Variants in TRIM37 observed in about 807,000 individuals in gnomAD.
TRIM37 encodes the protein tripartite motif containing 37.
In TRIM37, 80 loss-of-function variants were observed where a neutral mutation model predicts 129.8. The ratio of observed to expected loss-of-function variants is 0.62; its 90% confidence interval spans 0.51 to 0.74. The LOEUF (loss-of-function observed/expected upper bound fraction) is 0.74. TRIM37 is among the 30% of genes least tolerant of loss of function. The pLI, the probability that TRIM37 is intolerant of heterozygous loss-of-function variation, is 0.00. For synonymous variants in TRIM37, 389 were observed against 387.1 expected, an observed-to-expected ratio of 1.00 and a Z score of -0.06; for missense variants, 1,054 against 1,176.5, an observed-to-expected ratio of 0.90 and a Z score of 1.52.
intron 16 of TRIM37, among the ~76,000 whole-genome samples, chr17:59,044,568 A>G (rs879513818): frequency 6.6e-6 from 1 of 152,206 alleles, no homozygotes; most frequent in Non-Finnish European, 1.5e-5. Flanking sequence ...GTCTCAAAAA[A>G]AAATAAATAA....
chr17:58,978,879 T>C (rs2031190186), downstream of TRIM37, among the ~76,000 whole-genome samples: 1 of 152,112 alleles, frequency 6.6e-6, no homozygotes, highest in African/African-American at 2.4e-5. Flanking sequence ...AATGATCAAT[T>C]ATCTCAGTAG....
chr17:59,091,279 T>C, intron 3 of TRIM37, 21 bp downstream of exon 3: 2 of 1,580,410 alleles, frequency 1.3e-6, no homozygotes, highest in Non-Finnish European at 1.7e-6. Context: ...AATTCACAAA[T>C]AATCGTAAGG....
intron 21 of TRIM37, among the ~76,000 whole-genome samples, chr17:59,013,366 C>T (rs2035539648): frequency 6.6e-6 from 1 of 152,078 alleles, no homozygotes; most frequent in South Asian, 2.1e-4. Flanking sequence ...CAGGCTGGCT[C>T]GAACTCCTGA....
intron 7 of TRIM37, among the ~76,000 whole-genome samples, chr17:59,078,410 T>C (rs1022756312): frequency 3.9e-5 from 6 of 152,130 alleles, no homozygotes; most frequent in Admixed American, 3.9e-4. Flanking sequence ...TTAATAAACT[T>C]AAGAGATCTG....
chr17:59,072,077 G>A (rs1156878356), intron 8 of TRIM37, among the ~76,000 whole-genome samples: 1 of 152,244 alleles, frequency 6.6e-6, no homozygotes, highest in Middle Eastern at 3.4e-3. Context: ...GAGGCCACTG[G>A]GGTAGGGCCT....
Position 59,088,264 on chromosome 17 carries a change from TATTGAACAAAGAA to T in TRIM37, c.281+14_281+26del. The T allele has an allele frequency of 2.0e-6, 3 of 1,480,706 alleles. No individual in the cohort carries two copies. The highest frequency in any genetic ancestry group is 1.1e-5 in the South Asian group (1 of 88,036). 91.7% of individuals were successfully genotyped at this position (1,480,706 alleles called of 1,614,324 possible). On this transcript the variant is annotated intron_variant, in intron 4 of 23. Coordinates refer to ENST00000262294, the MANE Select transcript of TRIM37 (RefSeq NM_015294.6). ...CAATACAAAGGCAAAATCCATTCAA[TATTGAACAAAGAA>T]ATTGAGGACATACTTGTCCTTTTCA... is the stretch of plus-strand genomic sequence containing the variant.
At chr17:59,069,068 C>T (rs575904380) in intron 9 of TRIM37, among the ~76,000 whole-genome samples, 3 of 152,244 alleles carry the variant, frequency 2.0e-5, no homozygotes, top group Non-Finnish European at 1.5e-5. Flanking sequence ...TGAATGCGGC[C>T]AGGCATGGTG....
chr17:59,065,497 G>C (rs1363129668), intron 9 of TRIM37, among the ~76,000 whole-genome samples: 1 of 152,154 alleles, frequency 6.6e-6, no homozygotes, highest in African/African-American at 2.4e-5. Flanking sequence ...AGAGAGAACT[G>C]TATTATAATC....
In TRIM37 at chr17:59,057,444, G is replaced by A. The variant is rs1466915855; in HGVS notation, c.1020-390C>T. Reference sequence around the variant, plus strand: ...GCTGGTCTTGAACTCCTGACCTCAGGTGATCCACCCACCTTGGCCTCCCAG... The same window carrying A: ...GCTGGTCTTGAACTCCTGACCTCAGATGATCCACCCACCTTGGCCTCCCAG... On this transcript the variant is annotated intron_variant, in intron 12 of 23. Transcript: ENST00000262294. Among the ~76,000 whole-genome samples the A allele has an allele frequency of 1.4e-4, 21 of 152,240 alleles. No homozygotes were observed. In the East Asian group the frequency reaches 3.5e-3, roughly 25 times the overall value.
chr17:59,033,995 T>C (rs547929772), intron 17 of TRIM37, among the ~76,000 whole-genome samples: 1 of 151,624 alleles, frequency 6.6e-6, no homozygotes, highest in East Asian at 2.0e-4. Context: ...TAATCCCAGC[T>C]ACTCGGGAGG....
At chr17:59,093,250 G>A (rs913706744) in intron 2 of TRIM37, among the ~76,000 whole-genome samples, 1 of 152,088 alleles carries the variant, frequency 6.6e-6, no homozygotes, top group Non-Finnish European at 1.5e-5. Flanking sequence ...AGGCAAAAAC[G>A]AAATTTGGGT....
intron 16 of TRIM37, among the ~76,000 whole-genome samples, chr17:59,043,872 T>C (rs1211625446): frequency 6.6e-6 from 1 of 152,202 alleles, no homozygotes; most frequent in Non-Finnish European, 1.5e-5. Flanking sequence ...ATTTTGCCTA[T>C]GGGGAGAAGC....
chr17:58,973,652 A>G, the TRIM37 span, among the ~76,000 whole-genome samples: 1 of 151,330 alleles, frequency 6.6e-6, no homozygotes, highest in Non-Finnish European at 1.5e-5. Flanking sequence ...TTAAAAAAAC[A>G]AAAAACAAAA....
rs2041025358 is a variant in TRIM37, at chr17:59,057,209, A to G, written c.1020-155T>C. 3.9e-5 allele frequency among the ~76,000 whole-genome samples: 6 copies of G among 152,260 alleles called. No homozygotes were observed. The South Asian group carries it at 1.2e-3, about 32-fold the overall frequency. On this transcript the variant is annotated intron_variant, in intron 12 of 23. Transcript: ENST00000262294. Reference sequence around the variant, plus strand: ...TTTTATCATTTATAAAAACAGCAGTATTTTGGGGTTTTTTTATTTATTTAA... The same window carrying G: ...TTTTATCATTTATAAAAACAGCAGTGTTTTGGGGTTTTTTTATTTATTTAA...
At chr17:58,974,644 T>C in the TRIM37 span, among the ~76,000 whole-genome samples, 1 of 152,234 alleles carries the variant, frequency 6.6e-6, no homozygotes, top group Non-Finnish European at 1.5e-5. Context: ...GTACATTACA[T>C]GTATACTGCA....
chr17:59,101,296 G>A (rs1157700316), intron 2 of TRIM37, among the ~76,000 whole-genome samples: 1 of 151,982 alleles, frequency 6.6e-6, no homozygotes, highest in East Asian at 1.9e-4. Flanking sequence ...TGAGGCTTCT[G>A]GGGAAAAGAA....
intron 19 of TRIM37, 131 bp from the exon 20 acceptor site, chr17:59,017,555 A>C: frequency 8.2e-7 from 1 of 1,221,464 alleles, no homozygotes; most frequent in Non-Finnish European, 1.2e-6. Flanking sequence ...AATAAACAAC[A>C]TTCTGTAGCC....
rs2033224958 is a variant in TRIM37, at chr17:58,998,384, T to C, written c.*993A>G. On this transcript the variant is annotated 3_prime_UTR_variant, in exon 24 of 24. Transcript: ENST00000262294. ...TTATTCATGCTTTTTCAATAGTCTC[T>C]TAGTCAACTTTCAGTGTAATTTCCA... The C allele has an allele frequency of 1.0e-6, 1 of 985,316 alleles. No homozygotes were observed. Among genetic ancestry groups the C allele is most frequent in the Non-Finnish European group, 1.2e-6 (1 of 829,844 alleles). 61.0% of individuals were successfully genotyped at this position (985,316 alleles called of 1,614,324 possible). A position where few individuals can be genotyped will look rare whatever the true frequency, so the allele number is the denominator to read the frequency against.
intron 4 of TRIM37, among the ~76,000 whole-genome samples, chr17:59,086,621 A>G (rs2147175313): frequency 6.6e-6 from 1 of 152,358 alleles, no homozygotes; most frequent in African/African-American, 2.4e-5. Context: ...TATATTTTAT[A>G]TTTCTAATTC....
Sources: gnomAD v4.1 joint callset for allele counts (sites outside exome capture counted in the v4.1 genomes callset) on GRCh38, gnomAD v4.1.1 for gene constraint, MANE v1.5 for transcripts, NCBI Gene and HGNC (gene_info 2026-07-23, HGNC 2026-07-21) for gene names.